Variants in RANBP2 observed in about 807,000 individuals in gnomAD.
The protein encoded by RANBP2 is E3 SUMO-protein ligase RanBP2.
RANBP2 carries 57 observed loss-of-function variants against 303.6 expected under a neutral mutation model. That is an observed-to-expected ratio of 0.19 (90% CI 0.15 to 0.23). The LOEUF (loss-of-function observed/expected upper bound fraction) is 0.23. Ranked by LOEUF, RANBP2 falls within the 10% of genes least tolerant of loss-of-function variation. RANBP2 has a pLI of 1.00. For synonymous variants in RANBP2, 1,167 were observed against 1,301.5 expected (o/e 0.90, Z 2.23); for missense variants, 3,138 against 3,780.8 (o/e 0.83, Z 4.46).
At chr2:109,342,024 G>A in the RANBP2 span, among the ~76,000 whole-genome samples, 3 of 152,188 alleles carry the variant, frequency 2.0e-5, no homozygotes, top group East Asian at 3.9e-4. Flanking sequence ...GGTCTCACCC[G>A]CCGGGGCCTA....
the RANBP2 span, among the ~76,000 whole-genome samples, chr2:109,568,373 C>CTT: frequency 1.3e-3 from 174 of 129,168 alleles, 1 homozygote; most frequent in Middle Eastern, 4.3e-3. Context: ...GCCACACAAT[C>CTT]TTTTTTTTTT....
intron 7 of RANBP2, 22 bp downstream of exon 7, chr2:108,740,703 G>A (rs1356532783): frequency 1.3e-6 from 2 of 1,597,472 alleles, no homozygotes; most frequent in South Asian, 2.2e-5. Flanking sequence ...ACTTGTAGGA[G>A]CAATTGACAT....
chr2:109,508,380 A>G, the RANBP2 span, among the ~76,000 whole-genome samples: 5 of 152,144 alleles, frequency 3.3e-5, no homozygotes, highest in Admixed American at 6.5e-5. Flanking sequence ...AAAGGAGCTC[A>G]TGACCGGGCA....
the RANBP2 span, among the ~76,000 whole-genome samples, chr2:108,950,914 G>C: frequency 1.3e-5 from 2 of 152,258 alleles, no homozygotes; most frequent in Non-Finnish European, 2.9e-5. Flanking sequence ...GAAGGGGTGT[G>C]ACCTTGCATG....
chr2:109,333,032 T>G, the RANBP2 span, among the ~76,000 whole-genome samples: 1 of 152,250 alleles, frequency 6.6e-6, no homozygotes, highest in Admixed American at 6.5e-5. Context: ...AGCCTGGGAT[T>G]GGGAATGCGC....
chr2:109,209,127 A>G, the RANBP2 span, among the ~76,000 whole-genome samples: 1 of 152,342 alleles, frequency 6.6e-6, no homozygotes, highest in Admixed American at 6.5e-5. Context: ...TACTGTTGCC[A>G]CTGGGAAGTG....
At chr2:108,808,389 C>A in the RANBP2 span, among the ~76,000 whole-genome samples, 2 of 152,118 alleles carry the variant, frequency 1.3e-5, no homozygotes, top group Admixed American at 1.3e-4. Context: ...AGTGGTATTG[C>A]AGGATCATAT....
At chr2:109,411,814 C>T in the RANBP2 span, among the ~76,000 whole-genome samples, 10 of 152,228 alleles carry the variant, frequency 6.6e-5, no homozygotes, top group Non-Finnish European at 1.3e-4. Context: ...CATCTGACCT[C>T]TCTCTGCTCT....
chr2:108,740,696 T>C lies in RANBP2; in HGVS notation c.975+15T>C, dbSNP rs374531924. On this transcript the variant is annotated intron_variant, in intron 7 of 28. Coordinates refer to ENST00000283195, the MANE Select transcript of RANBP2 (RefSeq NM_006267.5). ...TAGCATTTCAGGTAAGTCTTCCACT[T>C]GTAGGAGCAATTGACATTTCACTGA... 8 of 1,597,382 alleles carry C rather than the reference T, an allele frequency of 5.0e-6. No individual in the cohort carries two copies. In the African/African-American group the frequency reaches 8.0e-5, roughly 16 times the overall value.
the RANBP2 span, among the ~76,000 whole-genome samples, chr2:109,459,350 A>G: frequency 1.3e-5 from 2 of 152,234 alleles, no homozygotes; most frequent in East Asian, 3.9e-4. Flanking sequence ...TACTTTGTCT[A>G]CTATCCAATC....
At chr2:109,038,681 C>G in the RANBP2 span, among the ~76,000 whole-genome samples, 1 of 152,192 alleles carries the variant, frequency 6.6e-6, no homozygotes, top group South Asian at 2.1e-4. Context: ...AATTCAAGAA[C>G]ATGTACATGT....
chr2:109,333,741 C>T, the RANBP2 span, among the ~76,000 whole-genome samples: 7 of 152,280 alleles, frequency 4.6e-5, no homozygotes, highest in Middle Eastern at 3.4e-3. Context: ...AGCTCTGCCA[C>T]GTATTGGCAG....
chr2:109,191,595 C>G, the RANBP2 span, among the ~76,000 whole-genome samples: 57 of 152,282 alleles, frequency 3.7e-4, no homozygotes, highest in Middle Eastern at 3.4e-3. Context: ...GCAGGCATTT[C>G]CCACCCTTTC....
At chr2:109,721,756 G>C in the RANBP2 span, among the ~76,000 whole-genome samples, 5 of 152,330 alleles carry the variant, frequency 3.3e-5, no homozygotes, top group East Asian at 9.6e-4. Context: ...AGGCCCGCTA[G>C]TGTCTGCCAG....
chr2:109,760,390 G>T, the RANBP2 span: 1 of 506,834 alleles, frequency 2.0e-6, no homozygotes, highest in African/African-American at 2.6e-5. Context: ...CCGGGGGCCA[G>T]GCGGGGCGGG....
At chr2:109,319,422 G>A in the RANBP2 span, among the ~76,000 whole-genome samples, 1 of 152,192 alleles carries the variant, frequency 6.6e-6, no homozygotes, top group African/African-American at 2.4e-5. Context: ...ATCCTTTTCA[G>A]CCTGCTGGGC....
At chr2:109,548,761 G>C in the RANBP2 span, among the ~76,000 whole-genome samples, 1 of 111,918 alleles carries the variant, frequency 8.9e-6, no homozygotes, top group East Asian at 2.9e-4. Flanking sequence ...GGGCCACAGA[G>C]TTAGGCTCCA....
the RANBP2 span, among the ~76,000 whole-genome samples, chr2:108,827,948 A>G: frequency 4.6e-5 from 7 of 152,226 alleles, no homozygotes; most frequent in East Asian, 5.8e-4. Flanking sequence ...CACAGTGATT[A>G]GAACATTGTG....
the RANBP2 span, among the ~76,000 whole-genome samples, chr2:109,630,256 T>C: frequency 1.8e-4 from 27 of 152,278 alleles, no homozygotes; most frequent in African/African-American, 6.0e-4. Flanking sequence ...AGCCAATTCT[T>C]GGAGATAAGA....
Sources: allele counts gnomAD v4.1 joint callset (sites outside exome capture counted in the v4.1 genomes callset), GRCh38; gene constraint gnomAD v4.1.1; transcripts MANE v1.5; gene names NCBI Gene and HGNC (gene_info 2026-07-23, HGNC 2026-07-21).